Variants in SEMA5A observed in about 807,000 individuals in gnomAD.
SEMA5A encodes semaphorin 5A.
SEMA5A carries 55 observed loss-of-function variants against 135.5 expected under a neutral mutation model. The ratio of observed to expected loss-of-function variants is 0.41; its 90% CI spans 0.33 to 0.51. The LOEUF is 0.51. SEMA5A is among the 20% of genes least tolerant of loss of function. SEMA5A has a pLI of 0.37. For synonymous variants in SEMA5A, 580 were observed against 546.5 expected (o/e 1.06, Z -0.85); for missense variants, 1,290 against 1,419.9 (o/e 0.91, Z 1.47).
At chr5:9,271,965 G>A (rs749424647) in intron 5 of SEMA5A, among the ~76,000 whole-genome samples, 20 of 152,150 alleles carry the variant, frequency 1.3e-4, no homozygotes, top group Non-Finnish European at 2.6e-4. Flanking sequence ...GCTAGCCACA[G>A]GAGTTGTTTT....
At chr5:9,138,689 C>T (rs1741896801) in intron 12 of SEMA5A, among the ~76,000 whole-genome samples, 1 of 151,994 alleles carries the variant, frequency 6.6e-6, no homozygotes, top group South Asian at 2.1e-4. Context: ...GATTTTGGTG[C>T]ACCCATCACC....
At chr5:9,531,050 AG>A (rs1331004271) in intron 1 of SEMA5A, among the ~76,000 whole-genome samples, 1 of 152,162 alleles carries the variant, frequency 6.6e-6, no homozygotes, top group Non-Finnish European at 1.5e-5. Context: ...ACACTGGAAA[AG>A]GTCATCTTGC....
chr5:9,450,075 C>T (rs1040089223), intron 1 of SEMA5A, among the ~76,000 whole-genome samples: 5 of 152,124 alleles, frequency 3.3e-5, no homozygotes, highest in South Asian at 2.1e-4. Context: ...GCAAACATAC[C>T]GATGTCTCCC....
chr5:9,437,405 G>A (rs1758071961), intron 2 of SEMA5A, among the ~76,000 whole-genome samples: 1 of 151,858 alleles, frequency 6.6e-6, no homozygotes, highest in African/African-American at 2.4e-5. Context: ...TGCCCAGGCT[G>A]GAGTGCAGTG....
intron 8 of SEMA5A, among the ~76,000 whole-genome samples, chr5:9,222,638 A>G (rs906838147): frequency 6.6e-6 from 1 of 152,268 alleles, no homozygotes; most frequent in Non-Finnish European, 1.5e-5. Flanking sequence ...AATGAACAGC[A>G]GAATGTTTTA....
Position 9,280,237 on chromosome 5 carries a change from C to G in SEMA5A, c.270+38135G>C, listed in dbSNP as rs368487069. On this transcript the variant is annotated intron_variant, in intron 5 of 22. Transcript: ENST00000382496. Reference sequence around the variant, plus strand: ...TTTACATTTACTGCAGCAGATATCTCTGTATTCAACAGATTCCATTTGTTA... The same window carrying G: ...TTTACATTTACTGCAGCAGATATCTGTGTATTCAACAGATTCCATTTGTTA... 2.7e-3 allele frequency among the ~76,000 whole-genome samples: 409 copies of G among 152,312 alleles called. 4 individuals are homozygous for G. The highest frequency in any genetic ancestry group is 9.3e-3 in the African/African-American group (388 of 41,570).
chr5:9,072,947 A>T (rs1737848810), intron 16 of SEMA5A, among the ~76,000 whole-genome samples: 1 of 152,218 alleles, frequency 6.6e-6, no homozygotes, highest in Admixed American at 6.5e-5. Context: ...AGTCAACAGC[A>T]TCAAAACAGT....
At chr5:9,114,641 CCAAA>C (rs1436156062) in intron 15 of SEMA5A, among the ~76,000 whole-genome samples, 1 of 152,104 alleles carries the variant, frequency 6.6e-6, no homozygotes, top group Non-Finnish European at 1.5e-5. Flanking sequence ...AAGGAAATTT[CCAAA>C]CAAAGTGTTG....
intron 22 of SEMA5A, among the ~76,000 whole-genome samples, chr5:9,043,836 T>C (rs1736092897): frequency 2.0e-5 from 3 of 152,246 alleles, no homozygotes; most frequent in Admixed American, 2.0e-4. Flanking sequence ...TACCTTCTGA[T>C]GCCCATAGTA....
At chr5:9,302,122 C>A (rs1185501086) in intron 5 of SEMA5A, among the ~76,000 whole-genome samples, 3 of 152,144 alleles carry the variant, frequency 2.0e-5, no homozygotes, top group African/African-American at 4.8e-5. Flanking sequence ...CTGCATCTCT[C>A]TTCTAAAAAC....
chr5:9,302,786 T>C (rs557138989), intron 5 of SEMA5A, among the ~76,000 whole-genome samples: 1 of 152,304 alleles, frequency 6.6e-6, no homozygotes, highest in African/African-American at 2.4e-5. Context: ...TAGTTCAATG[T>C]GTTTTCCCTG....
At chr5:9,388,201 C>G (rs1243431218) in intron 2 of SEMA5A, among the ~76,000 whole-genome samples, 2 of 152,132 alleles carry the variant, frequency 1.3e-5, no homozygotes. Context: ...AAACATTAAA[C>G]TATTTTATAC....
At chr5:9,431,824 T>C (rs973173492) in intron 2 of SEMA5A, among the ~76,000 whole-genome samples, 3 of 152,204 alleles carry the variant, frequency 2.0e-5, no homozygotes, top group African/African-American at 7.2e-5. Flanking sequence ...AATGGGTGTC[T>C]GAGAATAAAC....
At chr5:9,289,105 A>T (rs1750942363) in intron 5 of SEMA5A, among the ~76,000 whole-genome samples, 1 of 152,196 alleles carries the variant, frequency 6.6e-6, no homozygotes, top group African/African-American at 2.4e-5. Context: ...CATCCTCATC[A>T]ATGAGATCTG....
intron 1 of SEMA5A, among the ~76,000 whole-genome samples, chr5:9,440,099 G>C (rs1758178918): frequency 6.6e-6 from 1 of 152,248 alleles, no homozygotes; most frequent in Non-Finnish European, 1.5e-5. Flanking sequence ...GTGTGCCTGG[G>C]AACGTGCACT....
chr5:9,129,812 T>C (rs1048747923), intron 13 of SEMA5A, among the ~76,000 whole-genome samples: 1 of 152,212 alleles, frequency 6.6e-6, no homozygotes, highest in Non-Finnish European at 1.5e-5. Flanking sequence ...CCTTGAATCT[T>C]CAACACATCT....
In SEMA5A at chr5:9,108,154, C is replaced by T. The variant is rs185267139; in HGVS notation, c.2059G>A (p.Ala687Thr). Residue 687 changes from alanine to threonine, a missense_variant, in exon 16 of 23, where the codon GCA becomes ACA. Ala to Thr is a moderately conservative substitution (Grantham distance 58). This residue lies in a region of SEMA5A where 1,029 missense variants were observed against 1,086.6 expected (regional missense o/e 0.95). Coordinates refer to ENST00000382496, the MANE Select transcript of SEMA5A (RefSeq NM_003966.3). Reference sequence around the variant, plus strand: ...AGGCTACTCACCACATTGCAGCCTGCACAGTCAGGCCCATTCTCACAGATC... The same window carrying T: ...AGGCTACTCACCACATTGCAGCCTGTACAGTCAGGCCCATTCTCACAGATC... ...RRICENGPDC[A>T]GCNVEYQSCN... 26 of 1,614,020 alleles carry T rather than the reference C, an allele frequency of 1.6e-5. No individual in the cohort carries two copies. In the African/African-American group the frequency reaches 2.7e-4, roughly 17 times the overall value.
At chr5:9,500,642 G>A (rs1735545721) in intron 1 of SEMA5A, among the ~76,000 whole-genome samples, 1 of 152,116 alleles carries the variant, frequency 6.6e-6, no homozygotes, top group Non-Finnish European at 1.5e-5. Context: ...AGTTCAATTT[G>A]CATTTAAGAT....
intron 12 of SEMA5A, among the ~76,000 whole-genome samples, chr5:9,154,058 AAAAAATAT>A (rs1406808870): frequency 9.7e-5 from 5 of 51,558 alleles, no homozygotes; most frequent in African/African-American, 9.8e-5. Flanking sequence ...AAAAAAAAAA[AAAAAATAT>A]ATATATATAT....
Sources: allele counts gnomAD v4.1 joint callset (sites outside exome capture counted in the v4.1 genomes callset), GRCh38; gene constraint gnomAD v4.1.1; regional missense constraint gnomAD v4.1.1; transcripts MANE v1.5; gene names NCBI Gene and HGNC (gene_info 2026-07-23, HGNC 2026-07-21).